PDE10A: variants seen among roughly 807,000 people sequenced by gnomAD.
PDE10A encodes cAMP and cAMP-inhibited cGMP 3',5'-cyclic phosphodiesterase 10A.
A neutral mutation model predicts 97.7 loss-of-function variants in PDE10A; 39 were observed. The observed-to-expected ratio is 0.40, with a 90% CI of 0.31 to 0.52. The LOEUF is 0.52. Ranked by LOEUF, PDE10A falls within the 20% of genes least tolerant of loss-of-function variation. The probability of loss-of-function intolerance (pLI) is 0.56; values close to 1 mark genes in which losing one functional copy is unlikely to be tolerated. For synonymous variants in PDE10A, 371 were observed against 376.8 expected, an observed-to-expected ratio of 0.98 and a Z score of 0.18; for missense variants, 731 against 1,047.8, an observed-to-expected ratio of 0.70 and a Z score of 4.17.
At chr6:165,851,842 GC>G (rs1780582606) in intron 1 of PDE10A, among the ~76,000 whole-genome samples, 1 of 152,098 alleles carries the variant, frequency 6.6e-6, no homozygotes, top group East Asian at 1.9e-4. Flanking sequence ...TGTAATCCCA[GC>G]ACTTTGGGAG....
At chr6:165,981,061 G>C (rs1230541909) in intron 1 of PDE10A, among the ~76,000 whole-genome samples, 2 of 152,116 alleles carry the variant, frequency 1.3e-5, no homozygotes, top group African/African-American at 4.8e-5. Context: ...TTTTCCCCTG[G>C]AGTGGAGGGT....
intron 1 of PDE10A, among the ~76,000 whole-genome samples, chr6:165,642,963 T>C (rs1261288683): frequency 1.3e-5 from 2 of 152,172 alleles, no homozygotes; most frequent in Admixed American, 1.3e-4. Context: ...AACCTGGAGC[T>C]GAGGAATAGT....
chr6:165,895,833 G>C (rs1315936157), intron 1 of PDE10A, among the ~76,000 whole-genome samples: 1 of 152,156 alleles, frequency 6.6e-6, no homozygotes, highest in Non-Finnish European at 1.5e-5. Context: ...TCCTGTCAAT[G>C]GTGGAGATGA....
At chr6:165,764,939 T>C (rs1017085129) in intron 1 of PDE10A, among the ~76,000 whole-genome samples, 3 of 152,152 alleles carry the variant, frequency 2.0e-5, no homozygotes, top group African/African-American at 7.2e-5. Context: ...CACTGATTGG[T>C]GCGTTTATAA....
At chr6:165,975,391 G>T (rs530989092) in intron 1 of PDE10A, among the ~76,000 whole-genome samples, 4 of 152,132 alleles carry the variant, frequency 2.6e-5, no homozygotes, top group African/African-American at 4.8e-5. Context: ...GATTAGTTGG[G>T]CTCAAGAGTT....
chr6:165,876,048 A>G (rs1781336731), intron 1 of PDE10A, among the ~76,000 whole-genome samples: 1 of 152,234 alleles, frequency 6.6e-6, no homozygotes, highest in Non-Finnish European at 1.5e-5. Context: ...AAATAAAATG[A>G]GTCTTACACA....
chr6:165,800,068 T>A (rs77565555), intron 1 of PDE10A, among the ~76,000 whole-genome samples: 2,123 of 152,326 alleles, frequency 0.014, 41 homozygotes, highest in African/African-American at 0.049. Context: ...TGTTTGACAG[T>A]GAGACCCGTG....
intron 1 of PDE10A, among the ~76,000 whole-genome samples, chr6:165,804,397 T>C (rs990892984): frequency 2.6e-5 from 4 of 152,246 alleles, no homozygotes; most frequent in Non-Finnish European, 5.9e-5. Flanking sequence ...AGCATTCGTT[T>C]GCTTCGTTTG....
chr6:165,739,552 A>G (rs1792667320), intron 1 of PDE10A, among the ~76,000 whole-genome samples: 1 of 152,142 alleles, frequency 6.6e-6, no homozygotes, highest in Admixed American at 6.5e-5. Context: ...GAAAACAGAG[A>G]AAAAGCTTTT....
chr6:165,675,120 T>G (rs1318768480), intron 1 of PDE10A, among the ~76,000 whole-genome samples: 2 of 152,242 alleles, frequency 1.3e-5, no homozygotes, highest in South Asian at 4.1e-4. Context: ...AATAGTTTTG[T>G]CTATGCCTAT....
chr6:165,962,419 C>A (rs1784389018), intron 1 of PDE10A, among the ~76,000 whole-genome samples: 1 of 152,212 alleles, frequency 6.6e-6, no homozygotes. Context: ...ACTTAGACGT[C>A]CACCATGGAA....
intron 1 of PDE10A, among the ~76,000 whole-genome samples, chr6:165,564,990 TA>T (rs1383209146): frequency 6.6e-6 from 1 of 152,090 alleles, no homozygotes; most frequent in Non-Finnish European, 1.5e-5. Context: ...ATGTTGTCTA[TA>T]AAAGATGCAA....
chr6:165,961,512 C>T (rs1364189110), intron 1 of PDE10A, among the ~76,000 whole-genome samples: 3 of 152,206 alleles, frequency 2.0e-5, no homozygotes, highest in Admixed American at 1.3e-4. Flanking sequence ...TGGTTACCCA[C>T]GAGATGAAAA....
At chr6:165,713,232 T>A (rs188361159) in intron 1 of PDE10A, among the ~76,000 whole-genome samples, 1 of 152,312 alleles carries the variant, frequency 6.6e-6, no homozygotes, top group East Asian at 1.9e-4. Context: ...CCCTCCCTTC[T>A]AGCAGAACTC....
chr6:165,705,701 A>C (rs1274424709), intron 1 of PDE10A, among the ~76,000 whole-genome samples: 2 of 152,230 alleles, frequency 1.3e-5, no homozygotes, highest in Non-Finnish European at 1.5e-5. Context: ...TGATAATTAG[A>C]TAAAAGATAA....
intron 2 of PDE10A, among the ~76,000 whole-genome samples, chr6:165,502,965 A>T (rs1780981770): frequency 6.6e-6 from 1 of 152,218 alleles, no homozygotes; most frequent in East Asian, 1.9e-4. Flanking sequence ...ATTAAACTAT[A>T]TAGTTAAACT....
At chr6:165,900,672 G>C (rs1268734733) in intron 1 of PDE10A, among the ~76,000 whole-genome samples, 2 of 152,064 alleles carry the variant, frequency 1.3e-5, no homozygotes, top group Non-Finnish European at 2.9e-5. Context: ...GTGAGTATTG[G>C]TTATAATTGG....
At chr6:165,426,609 A>G (rs1021936879) in intron 10 of PDE10A, among the ~76,000 whole-genome samples, 4 of 152,178 alleles carry the variant, frequency 2.6e-5, no homozygotes, top group South Asian at 2.1e-4. Context: ...AAAAGAAAAC[A>G]ATAGCTAAAT....
At chr6:165,885,004 G>A (rs1355024189) in intron 1 of PDE10A, among the ~76,000 whole-genome samples, 2 of 152,172 alleles carry the variant, frequency 1.3e-5, no homozygotes, top group Non-Finnish European at 1.5e-5. Context: ...AGACTGCGGT[G>A]CGGCCTTCAT....
Sources: allele counts gnomAD v4.1 joint callset (sites outside exome capture counted in the v4.1 genomes callset), GRCh38; gene constraint gnomAD v4.1.1; transcripts MANE v1.5; gene names NCBI Gene and HGNC (gene_info 2026-07-23, HGNC 2026-07-21).